The following RABEP1 variants were observed in gnomAD, a reference collection of about 807,000 sequenced individuals.
RABEP1 encodes rab GTPase-binding effector protein 1.
In RABEP1, 51 loss-of-function variants were observed where a neutral mutation model predicts 123.4. The ratio of observed to expected loss-of-function variants is 0.41; its 90% CI spans 0.33 to 0.52. The LOEUF is 0.52. Among genes scored for constraint, RABEP1 ranks in the 20% least tolerant of loss-of-function variants. The probability of loss-of-function intolerance (pLI) is 0.16; values close to 1 mark genes in which losing one functional copy is unlikely to be tolerated. For synonymous variants in RABEP1, 347 were observed against 355.2 expected (o/e 0.98, Z 0.26); for missense variants, 888 against 996.3 (o/e 0.89, Z 1.46).
In RABEP1 at chr17:5,310,301, C is replaced by CTTTTTTTTTTTTTTT. The variant is rs11432831; in HGVS notation, c.163+1483_163+1497dup. On this transcript the variant is annotated intron_variant, in intron 2 of 17. Coordinates refer to ENST00000537505, the MANE Select transcript of RABEP1 (RefSeq NM_004703.6). ...TTACAATTTAAATGAAAGCTTCGTC[C>CTTTTTTTTTTTTTTT]TTTTTTTTTTTTTTTTTTGAGATGG... Among the ~76,000 whole-genome samples the CTTTTTTTTTTTTTTT allele has an allele frequency of 1.0e-3, 129 of 126,408 alleles. 31 individuals carry two copies. The highest frequency in any genetic ancestry group is 1.2e-3 in the African/African-American group (40 of 32,808). The allele number at this position is 126,408 out of a possible 152,430, so 82.9% of individuals were successfully genotyped here.
At chr17:5,351,853 A>T (rs1194298581) in intron 7 of RABEP1, among the ~76,000 whole-genome samples, 1 of 152,072 alleles carries the variant, frequency 6.6e-6, no homozygotes. Context: ...GTATTTTCAT[A>T]TCGACGTTGT....
chr17:5,338,366 A>G (rs1397231193), intron 5 of RABEP1, among the ~76,000 whole-genome samples: 1 of 142,508 alleles, frequency 7.0e-6, no homozygotes, highest in African/African-American at 2.7e-5. Flanking sequence ...GTTGGAGACC[A>G]GTCTGACCAA....
chr17:5,334,526 C>T (rs994285600), intron 3 of RABEP1, among the ~76,000 whole-genome samples: 1 of 152,182 alleles, frequency 6.6e-6, no homozygotes, highest in African/African-American at 2.4e-5. Flanking sequence ...GCCACCACAC[C>T]CGGCAATTTT....
At chr17:5,330,384 G>A (rs1597361642) in intron 2 of RABEP1, among the ~76,000 whole-genome samples, 1 of 152,274 alleles carries the variant, frequency 6.6e-6, no homozygotes, top group Non-Finnish European at 1.5e-5. Flanking sequence ...AGCATGACTA[G>A]GTGTTTCCCT....
chr17:5,295,971 A>G lies in RABEP1; in HGVS notation c.35-12723A>G, dbSNP rs188153728. Among the ~76,000 whole-genome samples, 582 of 152,260 alleles carry G rather than the reference A, an allele frequency of 3.8e-3. 2 individuals are homozygous for G. Among genetic ancestry groups the G allele is most frequent in the African/African-American group, 0.013 (553 of 41,560 alleles). On this transcript the variant is annotated intron_variant, in intron 1 of 17. Coordinates refer to ENST00000537505, the MANE Select transcript of RABEP1 (RefSeq NM_004703.6). ...CTTCAGGCACATGGATCATCCTTAT[A>G]TTGGATAGTCTGTTTCTCATAGCTG...
intron 5 of RABEP1, among the ~76,000 whole-genome samples, chr17:5,343,534 C>T (rs1292046760): frequency 5.3e-5 from 8 of 151,890 alleles, no homozygotes; most frequent in Admixed American, 3.9e-4. Flanking sequence ...CACTCCAGCC[C>T]GGGAGACAGG....
At position 5,354,437 on chromosome 17, in the gene RABEP1, G is replaced by A; in HGVS notation, c.1042G>A (p.Val348Ile). 1.9e-6 allele frequency: 3 copies of A among 1,613,174 alleles called. No individual in the cohort carries two copies. In the South Asian group the frequency reaches 3.3e-5, roughly 18 times the overall value. ...TGTTGAGGAAGAAATAAAAATACCA[G>A]TAGTGTGTGCTTTAACTCAAGAAGA... ...ADVEEEIKIP[V>I]VCALTQEESS... The change falls in exon 8 of 18, where the codon GTA becomes ATA. Residue 348 changes from valine (V) to isoleucine (I), a missense_variant. Val to Ile is a conservative substitution (Grantham distance 29). Transcript: ENST00000537505.
chr17:5,299,050 C>T (rs745558385), intron 1 of RABEP1, among the ~76,000 whole-genome samples: 1 of 152,136 alleles, frequency 6.6e-6, no homozygotes, highest in Non-Finnish European at 1.5e-5. Flanking sequence ...CACCTAAAAC[C>T]AGTTAACAGT....
chr17:5,375,568 C>T (rs552859141), intron 13 of RABEP1, among the ~76,000 whole-genome samples: 7 of 152,092 alleles, frequency 4.6e-5, no homozygotes, highest in Non-Finnish European at 1.0e-4. Flanking sequence ...TGGTGGCACA[C>T]ACTTGTAGTA....
At chr17:5,351,080 T>G (rs958406204) in intron 7 of RABEP1, among the ~76,000 whole-genome samples, 1 of 152,258 alleles carries the variant, frequency 6.6e-6, no homozygotes, top group South Asian at 2.1e-4. Flanking sequence ...CGTCAGTGTA[T>G]TTTGTGTGTA....
At position 5,356,938 on chromosome 17, in the gene RABEP1, C is replaced by T. The variant is rs181649654; in HGVS notation, c.1095+2448C>T. Among the ~76,000 whole-genome samples, 367 of 149,322 alleles carry T rather than the reference C, an allele frequency of 2.5e-3. 3 individuals carry two copies. Among genetic ancestry groups the T allele is most frequent in the African/African-American group, 8.3e-3 (341 of 40,976 alleles). ...TTTCACCCAGGCTGGAGTGCAGTGGCGTGATCTCAGCTCATTGCAACCTCT... is the reference window on the plus strand; with the variant it reads ...TTTCACCCAGGCTGGAGTGCAGTGGTGTGATCTCAGCTCATTGCAACCTCT... On this transcript the variant is annotated intron_variant, in intron 8 of 17. Transcript: ENST00000537505.
At chr17:5,351,213 C>T (rs1908520121) in intron 7 of RABEP1, among the ~76,000 whole-genome samples, 2 of 151,992 alleles carry the variant, frequency 1.3e-5, no homozygotes, top group Admixed American at 1.3e-4. Context: ...GGCAGGTGTT[C>T]AGAGCACTGC....
At chr17:5,300,235 T>C (rs540161631) in intron 1 of RABEP1, among the ~76,000 whole-genome samples, 92 of 152,324 alleles carry the variant, frequency 6.0e-4, no homozygotes, top group Non-Finnish European at 1.1e-3. Flanking sequence ...CAGGCCTCCT[T>C]AGGCTTCTCT....
At chr17:5,382,912 G>A (rs368429151) in intron 17 of RABEP1, among the ~76,000 whole-genome samples, 1 of 148,710 alleles carries the variant, frequency 6.7e-6, no homozygotes, top group Non-Finnish European at 1.5e-5. Flanking sequence ...CCTGGATGAT[G>A]AGCAAAACTC....
At chr17:5,294,903 C>T (rs2075068140) in intron 1 of RABEP1, among the ~76,000 whole-genome samples, 1 of 151,230 alleles carries the variant, frequency 6.6e-6, no homozygotes, top group Non-Finnish European at 1.5e-5. Context: ...GCCTCGGCCT[C>T]CCAAAGTGCT....
Position 5,365,280 on chromosome 17 carries a change from G to A in RABEP1, c.1785+42G>A, listed in dbSNP as rs753559476. On this transcript the variant is annotated intron_variant, in intron 11 of 17. Transcript: ENST00000537505. ...AGACTGTGGCCCATGAGGGATGACTGGGTTATTTAAATGAAAGATTCAAAA... is the reference window on the plus strand; with the variant it reads ...AGACTGTGGCCCATGAGGGATGACTAGGTTATTTAAATGAAAGATTCAAAA... The A allele has an allele frequency of 5.2e-5, 67 of 1,283,640 alleles. No homozygotes were observed. In the South Asian group the frequency reaches 5.9e-4, roughly 11 times the overall value. 79.5% of individuals were successfully genotyped at this position (1,283,640 alleles called of 1,614,324 possible). A position where few individuals can be genotyped will look rare whatever the true frequency, so the allele number is the denominator to read the frequency against.
chr17:5,365,437 T>C (rs572220806), intron 11 of RABEP1, among the ~76,000 whole-genome samples, 199 bp downstream of exon 11: 1 of 152,302 alleles, frequency 6.6e-6, no homozygotes, highest in Admixed American at 6.5e-5. Context: ...AAATAATTGG[T>C]CAGTAAATGC....
rs773223118 is a variant in RABEP1, at chr17:5,374,152, C to T, written c.2025+698C>T. On this transcript the variant is annotated intron_variant, in intron 13 of 17. Coordinates refer to ENST00000537505, the MANE Select transcript of RABEP1 (RefSeq NM_004703.6). The stretch of plus-strand genomic sequence containing the variant: ...CATCATCTCTGCTCACTGCAACCTC[C>T]GCCTCACAGGTTTAAACGATTCTCC... Among the ~76,000 whole-genome samples, 741 of 151,372 alleles carry T rather than the reference C, an allele frequency of 4.9e-3. 5 individuals carry two copies. The highest frequency in any genetic ancestry group is 0.017 in the African/African-American group (692 of 40,868).
chr17:5,367,846 C>A (rs1043196792), intron 11 of RABEP1, among the ~76,000 whole-genome samples: 1 of 150,842 alleles, frequency 6.6e-6, no homozygotes, highest in Admixed American at 6.7e-5. Flanking sequence ...CCTCTGCCTC[C>A]CGGTTTTCAA....
Sources: gnomAD v4.1 joint callset for allele counts (sites outside exome capture counted in the v4.1 genomes callset) on GRCh38, gnomAD v4.1.1 for gene constraint, MANE v1.5 for transcripts, NCBI Gene and HGNC (gene_info 2026-07-23, HGNC 2026-07-21) for gene names.